Variants in SPRR2G observed in about 807,000 individuals in gnomAD.
The protein encoded by SPRR2G is small proline rich protein 2G.
A neutral mutation model predicts 0.7 loss-of-function variants in SPRR2G; 1 was observed. The ratio of observed to expected loss-of-function variants is 1.49; its 90% CI spans 0.53 to 7.06. The LOEUF (loss-of-function observed/expected upper bound fraction) is 7.06, where lower values mean the gene tolerates loss of function less well. Ranked by LOEUF, SPRR2G falls within the 30% of genes most tolerant of loss-of-function variation. The probability of loss-of-function intolerance (pLI) is 0.14; values close to 1 mark genes in which losing one functional copy is unlikely to be tolerated. For synonymous variants in SPRR2G, 38 were observed against 33.9 expected (o/e 1.12, Z -0.42); for missense variants, 96 against 88.5 (o/e 1.09, Z -0.34).
At chr1:153,183,521 T>A in the SPRR2G span, among the ~76,000 whole-genome samples, 1 of 152,208 alleles carries the variant, frequency 6.6e-6, no homozygotes, top group African/African-American at 2.4e-5. Flanking sequence ...TGTCTTCTTT[T>A]GACAAGTGTC....
At chr1:153,182,295 A>G in the SPRR2G span, among the ~76,000 whole-genome samples, 1 of 151,952 alleles carries the variant, frequency 6.6e-6, no homozygotes, top group East Asian at 1.9e-4. Flanking sequence ...GAGTTCCTGC[A>G]TACCCAAAAT....
At chr1:153,177,145 T>G in the SPRR2G span, among the ~76,000 whole-genome samples, 1 of 152,338 alleles carries the variant, frequency 6.6e-6, no homozygotes, top group South Asian at 2.1e-4. Flanking sequence ...TTGCTAAACA[T>G]AGTGTCTTGA....
At chr1:153,173,429 C>T in the SPRR2G span, among the ~76,000 whole-genome samples, 1 of 151,796 alleles carries the variant, frequency 6.6e-6, no homozygotes, top group African/African-American at 2.4e-5. Context: ...ATGATGGAGG[C>T]TCTAAAGGGA....
At chr1:153,160,311 C>T in the SPRR2G span, among the ~76,000 whole-genome samples, 1 of 152,162 alleles carries the variant, frequency 6.6e-6, no homozygotes, top group East Asian at 1.9e-4. Context: ...TTCATCTGCT[C>T]ATAGACATTT....
the SPRR2G span, among the ~76,000 whole-genome samples, chr1:153,165,825 A>G: frequency 5.3e-5 from 8 of 152,192 alleles, no homozygotes; most frequent in East Asian, 7.7e-4. Flanking sequence ...AGTGTATAAA[A>G]CCTTCTTTGA....
the SPRR2G span, among the ~76,000 whole-genome samples, chr1:153,177,577 T>G: frequency 6.6e-6 from 1 of 152,130 alleles, no homozygotes. Context: ...GCTTTTTAAC[T>G]GCATTTCCCT....
chr1:153,183,920 T>A, the SPRR2G span, among the ~76,000 whole-genome samples: 1 of 152,220 alleles, frequency 6.6e-6, no homozygotes, highest in African/African-American at 2.4e-5. Flanking sequence ...AGGGATCCAG[T>A]TTCAGCTTTC....
chr1:153,176,684 T>G, the SPRR2G span: 1 of 152,114 alleles, frequency 6.6e-6, no homozygotes, highest in Non-Finnish European at 1.5e-5. Context: ...CTCCTGGGGC[T>G]CACAGAGAAG....
upstream of SPRR2G, among the ~76,000 whole-genome samples, chr1:153,153,348 G>T (rs774170734): frequency 6.6e-6 from 1 of 152,124 alleles, no homozygotes; most frequent in Non-Finnish European, 1.5e-5. Context: ...TAAACACAAT[G>T]ATTGAGTTAA....
chr1:153,154,642 A>G (rs114328776), upstream of SPRR2G, among the ~76,000 whole-genome samples: 595 of 152,258 alleles, frequency 3.9e-3, 9 homozygotes, highest in African/African-American at 0.013. Context: ...ATTGCTATAT[A>G]GTTGTTCATA....
At chr1:153,168,631 T>C in the SPRR2G span, among the ~76,000 whole-genome samples, 2 of 152,114 alleles carry the variant, frequency 1.3e-5, no homozygotes, top group Admixed American at 6.6e-5. Context: ...TTTGAAGGAA[T>C]TACATAAGCA....
the SPRR2G span, among the ~76,000 whole-genome samples, chr1:153,192,672 CTTG>C: frequency 2.6e-5 from 4 of 152,156 alleles, no homozygotes. Context: ...TGTTCTAAAT[CTTG>C]TTATTAAACT....
the SPRR2G span, among the ~76,000 whole-genome samples, chr1:153,200,035 T>A: frequency 6.6e-6 from 1 of 152,182 alleles, no homozygotes; most frequent in Non-Finnish European, 1.5e-5. Context: ...ATACATAGCA[T>A]GTCCCTGGGC....
Position 153,149,911 on chromosome 1 carries a change from T to G in SPRR2G, c.200A>C (p.Lys67Thr). The G allele has an allele frequency of 6.2e-7, 1 of 1,614,106 alleles. No individual in the cohort carries two copies. The highest frequency in any genetic ancestry group is 2.2e-5 in the East Asian group (1 of 44,870). ...PVQPYPPCQQ[K>T]YPPKSK ...ATGTTACTTGCTCTTGGGTGGATAC[T>G]TCTGCTGGCAGGGTGGGTATGGTTG... Residue 67 changes from lysine to threonine, a missense_variant, in exon 2 of 2, where the codon AAG (lysine) becomes ACG (threonine). Transcript: ENST00000368748.
At chr1:153,182,317 A>C in the SPRR2G span, among the ~76,000 whole-genome samples, 1 of 150,102 alleles carries the variant, frequency 6.7e-6, no homozygotes, top group Non-Finnish European at 1.5e-5. Context: ...TAATACTTAT[A>C]TTTTAAGAAT....
chr1:153,160,971 C>G, the SPRR2G span, among the ~76,000 whole-genome samples: 2 of 151,482 alleles, frequency 1.3e-5, no homozygotes, highest in South Asian at 4.2e-4. Context: ...AACCATCATT[C>G]TCAGCAAACT....
the SPRR2G span, among the ~76,000 whole-genome samples, chr1:153,170,383 ATAAAG>A: frequency 1.3e-5 from 2 of 152,254 alleles, no homozygotes; most frequent in African/African-American, 2.4e-5. Flanking sequence ...GGTAACTTTA[ATAAAG>A]TAAATATAAA....
the SPRR2G span, among the ~76,000 whole-genome samples, chr1:153,172,725 G>T: frequency 2.0e-5 from 3 of 152,164 alleles, no homozygotes; most frequent in Admixed American, 2.0e-4. Context: ...ACTGTGCTTG[G>T]GATCAAAGGT....
chr1:153,172,166 C>A, the SPRR2G span, among the ~76,000 whole-genome samples: 2 of 152,302 alleles, frequency 1.3e-5, no homozygotes, highest in East Asian at 3.9e-4. Context: ...TCACCTCTCA[C>A]CTTCCAGGGT....
Sources: gnomAD v4.1 joint callset for allele counts (sites outside exome capture counted in the v4.1 genomes callset) on GRCh38, gnomAD v4.1.1 for gene constraint, MANE v1.5 for transcripts, NCBI Gene and HGNC (gene_info 2026-07-23, HGNC 2026-07-21) for gene names.